Variants in ITGA9 observed in about 807,000 individuals in gnomAD.
ITGA9 encodes the protein integrin alpha-9.
ITGA9 carries 56 observed loss-of-function variants against 127.8 expected under a neutral mutation model. The observed-to-expected ratio is 0.44, with a 90% CI of 0.35 to 0.55. The LOEUF (loss-of-function observed/expected upper bound fraction) is 0.55, where lower values mean the gene tolerates loss of function less well. Ranked by LOEUF, ITGA9 falls within the 20% of genes least tolerant of loss-of-function variation. The pLI is 0.00. For missense variants in ITGA9, 1,196 were observed against 1,347.1 expected (o/e 0.89, Z 1.76); for synonymous variants, 508 against 514.5 (o/e 0.99, Z 0.17).
chr3:37,781,191 A>G (rs1379617145), intron 25 of ITGA9, among the ~76,000 whole-genome samples: 1 of 152,236 alleles, frequency 6.6e-6, no homozygotes, highest in Non-Finnish European at 1.5e-5. Flanking sequence ...GAGGCTCTCC[A>G]GTTGCCACAA....
At chr3:37,545,334 A>T (rs917455310) in intron 15 of ITGA9, among the ~76,000 whole-genome samples, 1 of 151,780 alleles carries the variant, frequency 6.6e-6, no homozygotes, top group Non-Finnish European at 1.5e-5. Flanking sequence ...ATCTTTAGGT[A>T]TTTTTTTCTT....
intron 18 of ITGA9, among the ~76,000 whole-genome samples, chr3:37,692,169 T>C (rs1050751707): frequency 3.9e-5 from 6 of 152,308 alleles, no homozygotes; most frequent in Non-Finnish European, 8.8e-5. Flanking sequence ...CCCACTTGTA[T>C]ATGATGGGTA....
intron 15 of ITGA9, among the ~76,000 whole-genome samples, chr3:37,563,781 C>G (rs1157830526): frequency 6.6e-6 from 1 of 152,190 alleles, no homozygotes; most frequent in Non-Finnish European, 1.5e-5. Flanking sequence ...GCAGCAGACA[C>G]TGGGTGTGGC....
chr3:37,499,394 G>A (rs1304896541), intron 5 of ITGA9, among the ~76,000 whole-genome samples: 2 of 152,150 alleles, frequency 1.3e-5, no homozygotes, highest in African/African-American at 2.4e-5. Context: ...TACATACCCC[G>A]GTTCCTCTAG....
chr3:37,630,875 T>C (rs1418146839), intron 16 of ITGA9, among the ~76,000 whole-genome samples: 2 of 150,874 alleles, frequency 1.3e-5, no homozygotes, highest in Non-Finnish European at 1.5e-5. Context: ...GTGGGCAGAG[T>C]AGATGGGCTG....
At chr3:37,562,409 G>A (rs1361869402) in intron 15 of ITGA9, among the ~76,000 whole-genome samples, 1 of 152,056 alleles carries the variant, frequency 6.6e-6, no homozygotes, top group Non-Finnish European at 1.5e-5. Flanking sequence ...GTATTCTTTG[G>A]TTTTATACCT....
intron 15 of ITGA9, among the ~76,000 whole-genome samples, chr3:37,614,618 G>C (rs1700056682): frequency 1.3e-5 from 2 of 151,016 alleles, no homozygotes; most frequent in Admixed American, 6.6e-5. Flanking sequence ...TCTTCCATTT[G>C]TTTGTATCCT....
At chr3:37,517,761 G>A in intron 10 of ITGA9, 152 bp downstream of exon 10, 2 of 702,104 alleles carry the variant, frequency 2.8e-6, no homozygotes, top group South Asian at 3.0e-5. Flanking sequence ...GCTGTGGGGA[G>A]ATAGGACACG....
At chr3:37,675,743 CT>C (rs5848124) in intron 17 of ITGA9, among the ~76,000 whole-genome samples, 19,460 of 124,270 alleles carry the variant, frequency 0.16, 1,193 homozygotes, top group African/African-American at 0.27. Context: ...TTAAAAACTA[CT>C]TTTTTTTTTT....
chr3:37,757,019 A>C (rs1696660911), intron 23 of ITGA9, among the ~76,000 whole-genome samples: 1 of 152,104 alleles, frequency 6.6e-6, no homozygotes, highest in South Asian at 2.1e-4. Context: ...TTTAGACAAA[A>C]CCAACACAGA....
At chr3:37,668,868 C>T (rs113553506) in intron 17 of ITGA9, among the ~76,000 whole-genome samples, 46 of 152,332 alleles carry the variant, frequency 3.0e-4, no homozygotes, top group African/African-American at 1.0e-3. Flanking sequence ...TCACTGGCCA[C>T]GGTGAGACCT....
At chr3:37,572,075 A>G (rs1342697800) in intron 15 of ITGA9, among the ~76,000 whole-genome samples, 4 of 152,028 alleles carry the variant, frequency 2.6e-5, no homozygotes, top group African/African-American at 2.4e-5. Context: ...ACCATGTGAC[A>G]TGGACCATTA....
At chr3:37,710,304 C>T (rs1275157246) in intron 18 of ITGA9, among the ~76,000 whole-genome samples, 1 of 152,144 alleles carries the variant, frequency 6.6e-6, no homozygotes, top group East Asian at 1.9e-4. Flanking sequence ...CGTCTAATGG[C>T]AATGCTTCCT....
At chr3:37,712,774 G>C (rs1575204684) in intron 18 of ITGA9, among the ~76,000 whole-genome samples, 1 of 152,128 alleles carries the variant, frequency 6.6e-6, no homozygotes, top group Admixed American at 6.5e-5. Context: ...GAGTCTGATT[G>C]GTCCAATTGA....
intron 23 of ITGA9, among the ~76,000 whole-genome samples, chr3:37,771,100 C>T (rs986712990): frequency 1.3e-5 from 2 of 152,150 alleles, no homozygotes; most frequent in Non-Finnish European, 2.9e-5. Flanking sequence ...GAGAGATAAG[C>T]AGCCATGTCA....
intron 18 of ITGA9, among the ~76,000 whole-genome samples, chr3:37,695,301 T>C (rs1390314786): frequency 6.6e-6 from 1 of 152,160 alleles, no homozygotes; most frequent in Non-Finnish European, 1.5e-5. Flanking sequence ...GAAGCCACAG[T>C]GTGCATGTAA....
chr3:37,495,068 G>T (rs1698713616), intron 5 of ITGA9, among the ~76,000 whole-genome samples: 3 of 152,202 alleles, frequency 2.0e-5, no homozygotes, highest in Admixed American at 6.5e-5. Flanking sequence ...CCGCCTCCTG[G>T]GTTCAAGCAA....
intron 15 of ITGA9, among the ~76,000 whole-genome samples, chr3:37,577,688 T>C (rs1699666898): frequency 6.6e-6 from 1 of 152,250 alleles, no homozygotes; most frequent in South Asian, 2.1e-4. Flanking sequence ...AATTAGGTTG[T>C]GGTACAAGAG....
At chr3:37,644,482 A>G (rs1459773454) in intron 16 of ITGA9, among the ~76,000 whole-genome samples, 3 of 152,198 alleles carry the variant, frequency 2.0e-5, no homozygotes, top group African/African-American at 4.8e-5. Context: ...GTTGGGTGCA[A>G]TGTGCATTGG....
Sources: gnomAD v4.1 joint callset for allele counts (sites outside exome capture counted in the v4.1 genomes callset) on GRCh38, gnomAD v4.1.1 for gene constraint, MANE v1.5 for transcripts, NCBI Gene and HGNC (gene_info 2026-07-23, HGNC 2026-07-21) for gene names.